ZAR1L: variants seen among roughly 807,000 people sequenced by gnomAD.
The protein encoded by ZAR1L is zygote arrest 1 like.
A neutral mutation model predicts 30.0 loss-of-function variants in ZAR1L; 16 were observed. The observed-to-expected ratio is 0.53, with a 90% CI of 0.36 to 0.81. ZAR1L has a LOEUF of 0.81. ZAR1L is among the 30% of genes least tolerant of loss of function. The probability of loss-of-function intolerance (pLI) is 0.00; values close to 1 mark genes in which losing one functional copy is unlikely to be tolerated. For missense variants in ZAR1L, 392 were observed against 417.2 expected (o/e 0.94, Z 0.53); for synonymous variants, 197 against 166.8 (o/e 1.18, Z -1.40).
intron 4 of ZAR1L, among the ~76,000 whole-genome samples, chr13:32,310,304 A>G (rs547126053): frequency 5.9e-5 from 9 of 152,382 alleles, no homozygotes; most frequent in African/African-American, 1.9e-4. Flanking sequence ...GTGGACAAAC[A>G]GTGGAAATTT....
rs2072156328 is a variant in ZAR1L, at chr13:32,303,891, T to A, written c.954A>T (p.Lys318Asn). Reference sequence around the variant, plus strand: ...CACACTGTACAAGTCACATCACATATTTAAAGCTGTAAATATTGCCACAGG... The same window carrying A: ...CACACTGTACAAGTCACATCACATAATTAAAGCTGTAAATATTGCCACAGG... ...RFSCGNIYSF[K>N]YVM The change falls in exon 6 of 6, where the codon AAA (lysine) becomes AAT (asparagine). Residue 318 changes from lysine (K) to asparagine (N), a missense_variant. By Grantham distance (94) the Lys-to-Asn change is moderately conservative. Transcript: ENST00000533490. 6.4e-7 allele frequency: 1 copy of A among 1,551,614 alleles called. No individual in the cohort carries two copies. Among genetic ancestry groups the A allele is most frequent in the African/African-American group, 1.4e-5 (1 of 73,056 alleles).
rs761195172 is a variant in ZAR1L, at chr13:32,311,628, C to T, written c.298G>A (p.Asp100Asn). ...EVGVQVSPRVDKAVQCSLGPR... is the reference protein window; with the variant it reads ...EVGVQVSPRVNKAVQCSLGPR... The stretch of plus-strand genomic sequence containing the variant: ...CCCAGAGAGCACTGCACAGCCTTGT[C>T]CACCCGCGGGCTCACCTGCACGCCC... The change falls in exon 3 of 6, where the codon GAC becomes AAC. Residue 100 changes from aspartate to asparagine, a missense_variant. Coordinates refer to ENST00000533490, the MANE Select transcript of ZAR1L (RefSeq NM_001136571.2). 8 of 1,550,910 alleles carry T rather than the reference C, an allele frequency of 5.2e-6. No individual in the cohort carries two copies. Among genetic ancestry groups the T allele is most frequent in the African/African-American group, 4.1e-5 (3 of 73,066 alleles).
intron 5 of ZAR1L, among the ~76,000 whole-genome samples, chr13:32,305,579 G>A (rs887700131): frequency 6.6e-6 from 1 of 152,158 alleles, no homozygotes; most frequent in Non-Finnish European, 1.5e-5. Context: ...TATGTGCCTA[G>A]CACTCTCTTA....
chr13:32,304,459 G>A (rs918785837), intron 5 of ZAR1L, among the ~76,000 whole-genome samples: 4 of 152,132 alleles, frequency 2.6e-5, no homozygotes, highest in Non-Finnish European at 4.4e-5. Context: ...GGAATAAAAT[G>A]AACATTTAAA....
intron 4 of ZAR1L, among the ~76,000 whole-genome samples, chr13:32,309,930 A>C (rs1762911748): frequency 1.3e-5 from 2 of 152,230 alleles, no homozygotes; most frequent in South Asian, 2.1e-4. Context: ...CTCTCTCCAC[A>C]GTCCTTTGGC....
Position 32,312,104 on chromosome 13 carries a change from G to T in ZAR1L, c.-168-11C>A. 1.4e-6 allele frequency: 1 copy of T among 738,228 alleles called. No homozygotes were observed. The highest frequency in any genetic ancestry group is 2.1e-6 in the Non-Finnish European group (1 of 474,756). The allele number at this position is 738,228 out of a possible 1,614,324, so 45.7% of individuals were successfully genotyped here. ...CTGCTGCTTATTACCCTGATTGAGG[G>T]AGAGAAGCTCTATCTACAGATGTCT... On this transcript the variant is annotated splice_polypyrimidine_tract_variant and intron_variant, in intron 2 of 5. Transcript: ENST00000533490.
Position 32,311,429 on chromosome 13 carries a change from G to C in ZAR1L, c.497C>G (p.Pro166Arg), listed in dbSNP as rs1468327549. Reference protein sequence around the residue: ...ALPGPAEASQPQPPSRRSGAD... With the variant: ...ALPGPAEASQRQPPSRRSGAD... ...TCCTGACCTCCGTGATGGTGGCTGC[G>C]GCTGGCTGGCCTCCGCAGGGCCCGG... Residue 166 changes from proline to arginine, a missense_variant, in exon 3 of 6, where the codon CCG (proline) becomes CGG (arginine). Transcript: ENST00000533490. The C allele has an allele frequency of 6.5e-7, 1 of 1,549,042 alleles. No homozygotes were observed. Among genetic ancestry groups the C allele is most frequent in the East Asian group, 2.4e-5 (1 of 40,908 alleles).
Position 32,311,872 on chromosome 13 carries a change from T to C in ZAR1L, c.54A>G (p.Thr18=). The C allele has an allele frequency of 6.4e-7, 1 of 1,551,696 alleles. No homozygotes were observed. Among genetic ancestry groups the C allele is most frequent in the Non-Finnish European group, 8.7e-7 (1 of 1,147,004 alleles). The change falls in exon 3 of 6, where the codon ACA becomes ACG. Residue 18 remains threonine (T), a synonymous_variant. Coordinates refer to ENST00000533490, the MANE Select transcript of ZAR1L (RefSeq NM_001136571.2). The stretch of plus-strand genomic sequence containing the variant: ...AGAGTCCAGGCTGGCCCAAAGGCAC[T>C]GTGCTCCCATAACCCTGGTACAAGC... ...PYGLYQGYGS[T]VPLGQPGLSG...
At chr13:32,308,819 A>G in intron 4 of ZAR1L, 59 bp from the exon 5 acceptor site, 2 of 1,169,776 alleles carry the variant, frequency 1.7e-6, no homozygotes, top group South Asian at 2.7e-5. Flanking sequence ...CACCCTGCAA[A>G]GGCTCCCAGT....
intron 5 of ZAR1L, among the ~76,000 whole-genome samples, chr13:32,307,992 G>A (rs191982870): frequency 6.6e-6 from 1 of 152,106 alleles, no homozygotes; most frequent in African/African-American, 2.4e-5. Flanking sequence ...TAATAGAGAC[G>A]GGGTTTCACT....
chr13:32,308,699 G>C lies in ZAR1L; in HGVS notation c.809C>G (p.Ala270Gly). The change falls in exon 5 of 6, where the codon GCA becomes GGA. Residue 270 changes from alanine to glycine, a missense_variant. Coordinates refer to ENST00000533490, the MANE Select transcript of ZAR1L (RefSeq NM_001136571.2). ...QKSFNPYRVEAIQCQTCSKSH... is the reference protein window; with the variant it reads ...QKSFNPYRVEGIQCQTCSKSH... The stretch of plus-strand genomic sequence containing the variant: ...CCATATGCTCACCTGACATTGGATT[G>C]CTTCTACTCGATAAGGGTTAAAACT... 1.9e-6 allele frequency: 3 copies of C among 1,550,662 alleles called. No individual in the cohort carries two copies. Among genetic ancestry groups the C allele is most frequent in the Non-Finnish European group, 2.6e-6 (3 of 1,146,314 alleles).
At position 32,303,860 on chromosome 13, in the gene ZAR1L, A is replaced by G. The variant is rs1243009441; in HGVS notation, c.*19T>C. 1 of 1,549,148 alleles carries G rather than the reference A, an allele frequency of 6.5e-7. No homozygotes were observed. The highest frequency in any genetic ancestry group is 2.0e-5 in the Admixed American group (1 of 50,618). ...TACAAGAAGAGCTCAGGGGTCCATT[A>G]CAAGTCACACTGTACAAGTCACATC... On this transcript the variant is annotated 3_prime_UTR_variant, in exon 6 of 6. Transcript: ENST00000533490.
chr13:32,306,288 T>G (rs1481819894), intron 5 of ZAR1L, among the ~76,000 whole-genome samples: 1 of 152,112 alleles, frequency 6.6e-6, no homozygotes, highest in East Asian at 1.9e-4. Context: ...TATGAGTAAT[T>G]GGAAGAAAGA....
intron 5 of ZAR1L, among the ~76,000 whole-genome samples, chr13:32,308,384 G>C (rs905107704): frequency 6.6e-6 from 1 of 152,108 alleles, no homozygotes; most frequent in African/African-American, 2.4e-5. Flanking sequence ...TCAAAATTTG[G>C]CATGTAGTAA....
chr13:32,311,141 A>C, intron 3 of ZAR1L, 131 bp downstream of exon 3: 1 of 1,142,406 alleles, frequency 8.8e-7, no homozygotes, highest in Non-Finnish European at 1.2e-6. Flanking sequence ...ACATATTTTC[A>C]GAGCTCCCTC....
chr13:32,313,176 C>A (rs2072226551), intron 2 of ZAR1L, among the ~76,000 whole-genome samples: 1 of 152,154 alleles, frequency 6.6e-6, no homozygotes, highest in South Asian at 2.1e-4. Context: ...GTTAACAATA[C>A]TGTATTTTAT....
chr13:32,311,777 A>T lies in ZAR1L; in HGVS notation c.149T>A (p.Leu50Gln), dbSNP rs1450875563. 6.4e-7 allele frequency: 1 copy of T among 1,551,730 alleles called. No homozygotes were observed. The highest frequency in any genetic ancestry group is 1.2e-5 in the South Asian group (1 of 84,068). ...GTAGTCAGGGGCGTTCGCGGGCACCAGCAGCCCTGGCCTGGCCAGAAAAGT... is the reference window on the plus strand; with the variant it reads ...GTAGTCAGGGGCGTTCGCGGGCACCTGCAGCCCTGGCCTGGCCAGAAAAGT... ...PPTFLARPGL[L>Q]VPANAPDYCI... The change falls in exon 3 of 6, where the codon CTG (leucine) becomes CAG (glutamine). Residue 50 changes from leucine (L) to glutamine (Q), a missense_variant. Leu to Gln is a moderately radical substitution (Grantham distance 113). Coordinates refer to ENST00000533490, the MANE Select transcript of ZAR1L (RefSeq NM_001136571.2).
chr13:32,311,927 C>T lies in ZAR1L; in HGVS notation c.-2G>A, dbSNP rs375519711. The T allele has an allele frequency of 3.3e-5, 51 of 1,542,842 alleles. No homozygotes were observed. The African/African-American group carries it at 4.9e-4, about 15-fold the overall frequency. ...GGGAACACGGACAAAGCGCTCCATC[C>T]GCTCTCAGGTGCTCAGGCGCAGTCT... On this transcript the variant is annotated 5_prime_UTR_variant, in exon 3 of 6. Transcript: ENST00000533490.
Position 32,303,987 on chromosome 13 carries a change from C to T in ZAR1L, c.858G>A (p.Lys286=). 1 of 1,552,142 alleles carries T rather than the reference C, an allele frequency of 6.4e-7. No individual in the cohort carries two copies. The highest frequency in any genetic ancestry group is 1.2e-5 in the South Asian group (1 of 84,050). Reference sequence around the variant, plus strand: ...GCCTCCTTAGATCAATGTGTCTCTTCTTTTGAGGACAGGAACAATGAGACT... The same window carrying T: ...GCCTCCTTAGATCAATGTGTCTCTTTTTTTGAGGACAGGAACAATGAGACT... ...CSKSHCSCPQ[K]KRHIDLRRPH... The change falls in exon 6 of 6, where the codon AAG becomes AAA. Residue 286 remains lysine (K), a synonymous_variant. Coordinates refer to ENST00000533490, the MANE Select transcript of ZAR1L (RefSeq NM_001136571.2).
Sources: allele counts gnomAD v4.1 joint callset (sites outside exome capture counted in the v4.1 genomes callset), GRCh38; gene constraint gnomAD v4.1.1; transcripts MANE v1.5; gene names NCBI Gene and HGNC (gene_info 2026-07-23, HGNC 2026-07-21).